Variants in LAMP1 observed in about 807,000 individuals in gnomAD.
LAMP1 encodes lysosome-associated membrane glycoprotein 1.
LAMP1 carries 7 observed loss-of-function variants against 37.5 expected under a neutral mutation model. That is an observed-to-expected ratio of 0.19 (90% CI 0.11 to 0.35). The LOEUF (loss-of-function observed/expected upper bound fraction) is 0.35. LAMP1 is among the 10% of genes least tolerant of loss of function. The pLI is 1.00. For synonymous variants in LAMP1, 236 were observed against 229.1 expected (o/e 1.03, Z -0.27); for missense variants, 537 against 552.8 (o/e 0.97, Z 0.29).
intron 4 of LAMP1, among the ~76,000 whole-genome samples, chr13:113,315,783 ACCTT>A (rs764968886): frequency 6.6e-6 from 1 of 151,944 alleles, no homozygotes; most frequent in African/African-American, 2.4e-5. Flanking sequence ...TTGGTTTTGT[ACCTT>A]CCTTCCTGAG....
intron 1 of LAMP1, among the ~76,000 whole-genome samples, chr13:113,299,951 T>C (rs78765736): frequency 0.059 from 8,886 of 149,538 alleles, 733 homozygotes; most frequent in African/African-American, 0.19. Context: ...TCACCAAAAA[T>C]CCTTTTTTCT....
Position 113,306,521 on chromosome 13 carries a change from T to A in LAMP1, c.98T>A (p.Val33Glu). 1 of 1,614,150 alleles carries A rather than the reference T, an allele frequency of 6.2e-7. No homozygotes were observed. Among genetic ancestry groups the A allele is most frequent in the Non-Finnish European group, 8.5e-7 (1 of 1,180,010 alleles). ...MHCASAAMFM[V>E]KNGNGTACIM... The stretch of plus-strand genomic sequence containing the variant: ...TGTGCGTCAGCAGCAATGTTTATGG[T>A]GAAAAATGGCAACGGGACCGCGTGC... Residue 33 changes from valine (V) to glutamate (E), a missense_variant, in exon 2 of 9, where the codon GTG (valine) becomes GAG (glutamate). Transcript: ENST00000332556.
At chr13:113,310,979 G>A (rs776221375) in intron 4 of LAMP1, 112 bp downstream of exon 4, 20 of 865,154 alleles carry the variant, frequency 2.3e-5, no homozygotes, top group African/African-American at 8.5e-5. Context: ...CCTGGAACGC[G>A]TGTGCACACA....
chr13:113,314,015 T>C (rs1222802043), intron 4 of LAMP1, among the ~76,000 whole-genome samples: 1 of 112,644 alleles, frequency 8.9e-6, no homozygotes, highest in African/African-American at 3.8e-5. Flanking sequence ...CCCGTGTGCC[T>C]GGGGCGTGGC....
chr13:113,310,880 C>A lies in LAMP1; in HGVS notation c.562+13C>A. 6.2e-7 allele frequency: 1 copy of A among 1,609,168 alleles called. No homozygotes were observed. The highest frequency in any genetic ancestry group is 1.1e-5 in the South Asian group (1 of 90,460). ...TTCAGCCGGGGAGGTAGGACGCTGA[C>A]CCTTGGCCCTCTGGTGCTAGTGGTT... is the stretch of plus-strand genomic sequence containing the variant. On this transcript the variant is annotated intron_variant, in intron 4 of 8. Transcript: ENST00000332556.
intron 1 of LAMP1, among the ~76,000 whole-genome samples, chr13:113,304,541 A>G (rs1434810084): frequency 1.3e-5 from 2 of 152,238 alleles, no homozygotes; most frequent in African/African-American, 4.8e-5. Context: ...TGCCGTTAGT[A>G]TGATCCTGCC....
In LAMP1 at chr13:113,310,921, A is replaced by C. The variant is rs2042627939; in HGVS notation, c.562+54A>C. ...GCTAGTGGTTGGGTAGCTGGGCTGCAGTGGCTGCGGGTGACCTCACTGCTC... is the reference window on the plus strand; with the variant it reads ...GCTAGTGGTTGGGTAGCTGGGCTGCCGTGGCTGCGGGTGACCTCACTGCTC... On this transcript the variant is annotated intron_variant, in intron 4 of 8. Coordinates refer to ENST00000332556, the MANE Select transcript of LAMP1 (RefSeq NM_005561.4). 3 of 1,518,632 alleles carry C rather than the reference A, an allele frequency of 2.0e-6. No homozygotes were observed. The South Asian group carries it at 3.5e-5, about 18-fold the overall frequency. 94.1% of individuals were successfully genotyped at this position (1,518,632 alleles called of 1,614,324 possible).
chr13:113,306,635 C>T lies in LAMP1; in HGVS notation c.183+29C>T, dbSNP rs1257049164. 3.1e-6 allele frequency: 5 copies of T among 1,593,234 alleles called. No homozygotes were observed. In the African/African-American group the frequency reaches 5.4e-5, roughly 17 times the overall value. On this transcript the variant is annotated intron_variant, in intron 2 of 8. Coordinates refer to ENST00000332556, the MANE Select transcript of LAMP1 (RefSeq NM_005561.4). ...GGAAACACCAGGGCACTTCATGCTT[C>T]CCTTGTGTGTGTGGAAAGATGATTT...
chr13:113,322,424 T>G lies in LAMP1; in HGVS notation c.*3T>G, dbSNP rs1043381601. 35 of 1,606,102 alleles carry G rather than the reference T, an allele frequency of 2.2e-5. No homozygotes were observed. The highest frequency in any genetic ancestry group is 2.8e-5 in the Non-Finnish European group (33 of 1,174,030). On this transcript the variant is annotated 3_prime_UTR_variant, in exon 9 of 9. Coordinates refer to ENST00000332556, the MANE Select transcript of LAMP1 (RefSeq NM_005561.4). ...ACGCAGGCTACCAGACTATCTAGCC[T>G]GGTGCACGCAGGCACAGCAGCTGCA...
chr13:113,302,449 C>G (rs1456394988), intron 1 of LAMP1, among the ~76,000 whole-genome samples: 1 of 152,250 alleles, frequency 6.6e-6, no homozygotes, highest in African/African-American at 2.4e-5. Flanking sequence ...CTCAGCCTCC[C>G]AAAGTGCTGG....
rs1010974257 is a variant in LAMP1 at position 113,310,788 on chromosome 13, C to T, written c.483C>T (p.Val161=). ...KKYRCVSGTQ[V]HMNNVTVTLH... is the part of the protein sequence containing the mutation. ...ACAGATGTGTTAGTGGCACCCAGGT[C>T]CACATGAACAACGTGACCGTAACGC... Residue 161 remains valine (V), a synonymous_variant, in exon 4 of 9, where the codon GTC becomes GTT. Transcript: ENST00000332556. 1.2e-6 allele frequency: 2 copies of T among 1,613,654 alleles called. No individual in the cohort carries two copies. Among genetic ancestry groups the T allele is most frequent in the African/African-American group, 1.3e-5 (1 of 74,972 alleles).
At chr13:113,316,437 T>G (rs1353583104) in intron 4 of LAMP1, among the ~76,000 whole-genome samples, 1 of 151,518 alleles carries the variant, frequency 6.6e-6, no homozygotes, top group Non-Finnish European at 1.5e-5. Flanking sequence ...TTTTTTTTTT[T>G]TTGAGGCAGA....
rs372483716 is a variant in LAMP1 at position 113,321,508 on chromosome 13, C to T, written c.943+38C>T. On this transcript the variant is annotated intron_variant, in intron 7 of 8. Transcript: ENST00000332556. This position sits in a 1 kb window ranked among gnomAD's most constrained non-coding sequence, Gnocchi z 5.6. ...AATCTCTGCGAGCCCCGCCCCCGCC[C>T]GCGCGCCCAGGGTATTCTGGAGCCA... The T allele has an allele frequency of 6.2e-6, 10 of 1,613,722 alleles. No homozygotes were observed. The highest frequency in any genetic ancestry group is 1.3e-5 in the African/African-American group (1 of 74,920).
In LAMP1 at chr13:113,309,855, C is replaced by T; in HGVS notation, c.396C>T (p.Ser132=). The part of the protein sequence containing the change: ...LSDTHLFPNA[S]SKEIKTVESI... ...ACACACACCTTTTCCCCAATGCGAG[C>T]TCCAAAGGTAAGAACCAAAATGGGC... is the stretch of plus-strand genomic sequence containing the variant. Residue 132 remains serine (S), a synonymous_variant, in exon 3 of 9, where the codon AGC becomes AGT. Coordinates refer to ENST00000332556, the MANE Select transcript of LAMP1 (RefSeq NM_005561.4). 6.2e-7 allele frequency: 1 copy of T among 1,612,074 alleles called. No homozygotes were observed. The highest frequency in any genetic ancestry group is 2.2e-5 in the East Asian group (1 of 44,882).
intron 1 of LAMP1, among the ~76,000 whole-genome samples, chr13:113,301,697 A>C (rs2042575178): frequency 7.2e-6 from 1 of 138,648 alleles, no homozygotes; most frequent in African/African-American, 2.6e-5. Context: ...ATATATTTAC[A>C]CACACACACA....
intron 2 of LAMP1, among the ~76,000 whole-genome samples, chr13:113,307,601 A>G (rs1470689450): frequency 6.6e-6 from 1 of 151,886 alleles, no homozygotes; most frequent in Non-Finnish European, 1.5e-5. Context: ...GGCTTTTTTG[A>G]TTTAGAGAGT....
chr13:113,310,192 G>A (rs776651541), intron 3 of LAMP1, among the ~76,000 whole-genome samples: 2 of 151,908 alleles, frequency 1.3e-5, no homozygotes, highest in East Asian at 1.9e-4. Context: ...TGGTGCCACT[G>A]CACTCCAGCC....
At chr13:113,319,099 G>A (rs778458202) in intron 4 of LAMP1, among the ~76,000 whole-genome samples, 2 of 152,198 alleles carry the variant, frequency 1.3e-5, no homozygotes, top group East Asian at 1.9e-4. Context: ...CCACTCCTTC[G>A]TGACAGCGTT....
intron 1 of LAMP1, among the ~76,000 whole-genome samples, chr13:113,301,641 AAAAATATATAT>A (rs1364325244): frequency 4.3e-4 from 13 of 30,426 alleles, no homozygotes; most frequent in African/African-American, 2.1e-3. Context: ...AAAAAAAAAA[AAAAATATATAT>A]ATATATATAT....
Sources: allele counts gnomAD v4.1 joint callset (sites outside exome capture counted in the v4.1 genomes callset), GRCh38; gene constraint gnomAD v4.1.1; non-coding constraint Gnocchi (gnomAD v3.1); transcripts MANE v1.5; gene names NCBI Gene and HGNC (gene_info 2026-07-23, HGNC 2026-07-21).